The following CLIP2 variants were observed in gnomAD, a reference collection of about 807,000 sequenced individuals.
CLIP2 encodes the protein CAP-Gly domain-containing linker protein 2.
A neutral mutation model predicts 111.7 loss-of-function variants in CLIP2; 41 were observed. The observed-to-expected ratio is 0.37, with a 90% CI of 0.29 to 0.48. The LOEUF (loss-of-function observed/expected upper bound fraction) is 0.48, where lower values mean the gene tolerates loss of function less well. Among genes scored for constraint, CLIP2 ranks in the 20% least tolerant of loss-of-function variants. The pLI is 0.99. For synonymous variants in CLIP2, 660 were observed against 644.2 expected (o/e 1.02, Z -0.37); for missense variants, 1,160 against 1,422.1 (o/e 0.82, Z 2.96).
In CLIP2 at chr7:74,376,487, C is replaced by A. The variant is rs782652859; in HGVS notation, c.2086C>A (p.Leu696Met). Residue 696 changes from leucine (L) to methionine (M), a missense_variant, in exon 10 of 17, where the codon CTG (leucine) becomes ATG (methionine). Leu to Met is a conservative substitution (Grantham distance 15, BLOSUM62 2). This residue lies in a region of CLIP2 where 676 missense variants were observed against 777.8 expected (regional missense o/e 0.87). Coordinates refer to ENST00000223398, the MANE Select transcript of CLIP2 (RefSeq NM_003388.5). The surrounding 1 kb of genome is among the most constrained non-coding windows in gnomAD (Gnocchi z 7.1). The part of the protein sequence containing the change: ...REKLQEAQEE[L>M]AGLQRHWRAQ... The stretch of plus-strand genomic sequence containing the variant: ...GAAGCTGCAGGAGGCCCAGGAGGAG[C>A]TGGCTGGGCTGCAGCGGCACTGGCG... 31 of 1,612,412 alleles carry A rather than the reference C, an allele frequency of 1.9e-5. No homozygotes were observed. Among genetic ancestry groups the A allele is most frequent in the Middle Eastern group, 3.4e-4 (2 of 5,958 alleles).
intron 11 of CLIP2, among the ~76,000 whole-genome samples, chr7:74,381,911 A>G (rs1554313977): frequency 6.6e-6 from 1 of 152,180 alleles, no homozygotes; most frequent in Non-Finnish European, 1.5e-5. Flanking sequence ...CTTGACTTCC[A>G]TTGGGCTCAA....
intron 8 of CLIP2, among the ~76,000 whole-genome samples, chr7:74,371,787 A>C (rs797040622): frequency 2.6e-5 from 4 of 151,672 alleles, no homozygotes; most frequent in African/African-American, 9.7e-5. Context: ...GGAGAGAGAG[A>C]ACTTTTTTTG....
In CLIP2 at chr7:74,400,495, C is replaced by G. The variant is rs1562733718; in HGVS notation, c.3006C>G (p.Asp1002Glu). 1 of 1,612,806 alleles carries G rather than the reference C, an allele frequency of 6.2e-7. No individual in the cohort carries two copies. Among genetic ancestry groups the G allele is most frequent in the Admixed American group, 1.7e-5 (1 of 59,736 alleles). ...AGGACGCCCTGCGGGATGCGCTGGA[C>G]CAGGCTCAGCAGGTGGAGAAGCTGA... is the stretch of plus-strand genomic sequence containing the variant. The part of the protein sequence containing the change: ...STEDALRDAL[D>E]QAQQVEKLME... The change falls in exon 15 of 17, where the codon GAC (aspartate) becomes GAG (glutamate). Residue 1002 changes from aspartate to glutamate, a missense_variant. Asp to Glu is a conservative substitution (Grantham distance 45, BLOSUM62 2). Around this residue, in one of 5 missense-constraint regions of CLIP2, gnomAD observed 676 missense variants for 777.8 expected, o/e 0.87. Transcript: ENST00000223398.
At chr7:74,306,651 C>T (rs2529000) in intron 1 of CLIP2, among the ~76,000 whole-genome samples, 44,014 of 152,088 alleles carry the variant, frequency 0.29, 7,177 homozygotes, top group African/African-American at 0.45. Context: ...CTCTGGGAAA[C>T]GGCATCGGAG....
chr7:74,402,738 C>T (rs1280453099), intron 16 of CLIP2, among the ~76,000 whole-genome samples: 1 of 152,128 alleles, frequency 6.6e-6, no homozygotes, highest in African/African-American at 2.4e-5. Flanking sequence ...ACTGCAGAAT[C>T]CCTGGAGCAC....
At chr7:74,314,211 C>A (rs1247312625) in intron 1 of CLIP2, among the ~76,000 whole-genome samples, 2 of 146,056 alleles carry the variant, frequency 1.4e-5, no homozygotes, top group Non-Finnish European at 1.5e-5. Context: ...GGAAAAGGGA[C>A]CGGGTGCGGT....
chr7:74,341,969 C>T (rs549733112), intron 3 of CLIP2, among the ~76,000 whole-genome samples: 10 of 152,230 alleles, frequency 6.6e-5, no homozygotes, highest in South Asian at 6.2e-4. Flanking sequence ...GAGGCTGCCC[C>T]GAGGAATGGT....
intron 3 of CLIP2, among the ~76,000 whole-genome samples, chr7:74,349,490 ATATATATATATATATATATATG>A (rs1789917476): frequency 8.1e-6 from 1 of 123,450 alleles, no homozygotes; most frequent in Non-Finnish European, 1.7e-5. Context: ...ATATATATAT[ATATATATATATATATATATATG>A]TAAATAAAAA....
intron 10 of CLIP2, 56 bp from the exon 11 acceptor site, chr7:74,380,750 G>C (rs1007060539): frequency 6.1e-6 from 9 of 1,482,486 alleles, no homozygotes; most frequent in Admixed American, 5.6e-5. Flanking sequence ...GGGCTGGCTG[G>C]GGCTGGGGCC....
At chr7:74,380,677 T>G in intron 10 of CLIP2, 129 bp from the exon 11 acceptor site, 1 of 710,186 alleles carries the variant, frequency 1.4e-6, no homozygotes, top group Non-Finnish European at 2.3e-6. Context: ...AGCAAGTCCC[T>G]GAGTCCGTCA....
At chr7:74,390,173 G>GAA (rs781944751) in intron 13 of CLIP2, among the ~76,000 whole-genome samples, 512 of 44,546 alleles carry the variant, frequency 0.011, 7 homozygotes, top group African/African-American at 0.016. Flanking sequence ...AAGAAAGAAA[G>GAA]AAAGAAAGAA....
At chr7:74,302,379 T>C (rs1788365467) in intron 1 of CLIP2, among the ~76,000 whole-genome samples, 1 of 151,172 alleles carries the variant, frequency 6.6e-6, no homozygotes, top group South Asian at 2.1e-4. Flanking sequence ...CCACGCCCAA[T>C]TAATTTTTGT....
chr7:74,353,900 C>T lies in CLIP2; in HGVS notation c.699C>T (p.Gly233=), dbSNP rs925703428. The T allele has an allele frequency of 8.7e-6, 14 of 1,614,148 alleles. No individual in the cohort carries two copies. Among genetic ancestry groups the T allele is most frequent in the African/African-American group, 2.7e-5 (2 of 75,038 alleles). The change falls in exon 4 of 17, where the codon GGC becomes GGT. Residue 233 remains glycine (G), a synonymous_variant. Transcript: ENST00000223398. ...DRVLVGGTKT[G]VVRYVGETDF... ...GACAGGTTGGCGGGACGAAGACTGG[C>T]GTGGTGCGGTACGTGGGGGAGACAG...
intron 13 of CLIP2, among the ~76,000 whole-genome samples, chr7:74,392,128 G>C (rs1378913343): frequency 6.6e-6 from 1 of 152,030 alleles, no homozygotes; most frequent in Non-Finnish European, 1.5e-5. Flanking sequence ...GAGGCAGGCA[G>C]ATCACGAGGT....
intron 3 of CLIP2, among the ~76,000 whole-genome samples, chr7:74,350,224 A>G (rs1554307249): frequency 6.6e-6 from 1 of 150,446 alleles, no homozygotes; most frequent in African/African-American, 2.4e-5. Context: ...GCTAATTTTT[A>G]TATTTTTAGT....
intron 1 of CLIP2, among the ~76,000 whole-genome samples, chr7:74,294,610 C>T (rs782083743): frequency 2.4e-4 from 36 of 152,158 alleles, no homozygotes; most frequent in South Asian, 1.9e-3. Flanking sequence ...GCGTCACCCC[C>T]GTCACCCTGA....
chr7:74,346,341 C>A (rs1789795448), intron 3 of CLIP2, among the ~76,000 whole-genome samples: 1 of 152,042 alleles, frequency 6.6e-6, no homozygotes, highest in Non-Finnish European at 1.5e-5. Flanking sequence ...AATCAGTGTC[C>A]ATCCGGAAAC....
intron 7 of CLIP2, 68 bp downstream of exon 7, chr7:74,360,346 T>C: frequency 8.0e-7 from 1 of 1,243,230 alleles, no homozygotes. Context: ...AGGGCAGGCT[T>C]GGGAATAGCG....
At chr7:74,351,934 G>A (rs1347654589) in intron 3 of CLIP2, among the ~76,000 whole-genome samples, 1 of 152,184 alleles carries the variant, frequency 6.6e-6, no homozygotes, top group Non-Finnish European at 1.5e-5. Context: ...ACAGGAGCAA[G>A]CCCAGGACAG....
Sources: gnomAD v4.1 joint callset for allele counts (sites outside exome capture counted in the v4.1 genomes callset) on GRCh38, gnomAD v4.1.1 for gene constraint, gnomAD v4.1.1 regional missense constraint, Gnocchi (gnomAD v3.1) non-coding constraint, MANE v1.5 for transcripts, NCBI Gene and HGNC (gene_info 2026-07-23, HGNC 2026-07-21) for gene names.